The following ITIH4 variants were observed in gnomAD, a reference collection of about 807,000 sequenced individuals.
ITIH4 encodes the protein inter-alpha-trypsin inhibitor heavy chain H4.
ITIH4 carries 79 observed loss-of-function variants against 111.8 expected under a neutral mutation model. The ratio of observed to expected loss-of-function variants is 0.71; its 90% confidence interval spans 0.59 to 0.85. The LOEUF (loss-of-function observed/expected upper bound fraction) is 0.85. Among genes scored for constraint, ITIH4 ranks in the 40% least tolerant of loss-of-function variants. The probability of loss-of-function intolerance (pLI) is 0.00; values close to 1 mark genes in which losing one functional copy is unlikely to be tolerated. For synonymous variants in ITIH4, 472 were observed against 468.3 expected (o/e 1.01, Z -0.10); for missense variants, 1,065 against 1,195.8 (o/e 0.89, Z 1.61).
intron 11 of ITIH4, among the ~76,000 whole-genome samples, chr3:52,823,184 G>C (rs2154111480): frequency 6.6e-6 from 1 of 152,294 alleles, no homozygotes; most frequent in East Asian, 1.9e-4. Context: ...CCTGGTTGCA[G>C]TGGGGCCCGG....
In ITIH4 at chr3:52,813,504, A is replaced by G; in HGVS notation, c.2724-14T>C. 6.2e-7 allele frequency: 1 copy of G among 1,612,680 alleles called. No homozygotes were observed. Among genetic ancestry groups the G allele is most frequent in the East Asian group, 2.2e-5 (1 of 44,872 alleles). On this transcript the variant is annotated splice_polypyrimidine_tract_variant and intron_variant, in intron 23 of 23. Transcript: ENST00000266041. ...AGCCTGCGCTCTCTGAAATGGAAAG[A>G]CAGACAGATAGGCAGGTGGTCAGCA... is the stretch of plus-strand genomic sequence containing the variant.
chr3:52,824,711 C>T lies in ITIH4; in HGVS notation c.876+131G>A. 2 of 1,261,402 alleles carry T rather than the reference C, an allele frequency of 1.6e-6. No homozygotes were observed. Among genetic ancestry groups the T allele is most frequent in the Non-Finnish European group, 2.2e-6 (2 of 901,138 alleles). The allele number at this position is 1,261,402 out of a possible 1,614,324, so 78.1% of individuals were successfully genotyped here. A position where few individuals can be genotyped will look rare whatever the true frequency, so the allele number is the denominator to read the frequency against. The stretch of plus-strand genomic sequence containing the variant: ...AGGGGCTGCCCTAGGCTCTGGCCAA[C>T]CTTGGTTCCTGAGAGCCACCCGCCC... On this transcript the variant is annotated intron_variant, in intron 7 of 23. Transcript: ENST00000266041. This position sits in a 1 kb window ranked among gnomAD's most constrained non-coding sequence, Gnocchi z 4.3.
chr3:52,813,230 G>A lies in ITIH4; in HGVS notation c.*191C>T, dbSNP rs780247092. 1.3e-5 allele frequency: 8 copies of A among 609,870 alleles called. No homozygotes were observed. The highest frequency in any genetic ancestry group is 1.8e-5 in the Non-Finnish European group (6 of 337,384). The allele number at this position is 609,870 out of a possible 1,614,324, so 37.8% of individuals were successfully genotyped here. ...TGTGTTCCACGATGCTAAGGTTCAG[G>A]ATGCGAGGTTGAGGCCCTAGGATTT... On this transcript the variant is annotated 3_prime_UTR_variant, in exon 24 of 24. Coordinates refer to ENST00000266041, the MANE Select transcript of ITIH4 (RefSeq NM_002218.5).
At position 52,824,181 on chromosome 3, in the gene ITIH4, G is replaced by A; in HGVS notation, c.1171+9C>T. ...CAGCACGTCCTGGAGTCACGGGCAGGGCCCTCACCCACAGTGGGGTCGCCA... is the reference window on the plus strand; with the variant it reads ...CAGCACGTCCTGGAGTCACGGGCAGAGCCCTCACCCACAGTGGGGTCGCCA... On this transcript the variant is annotated intron_variant, in intron 9 of 23. Coordinates refer to ENST00000266041, the MANE Select transcript of ITIH4 (RefSeq NM_002218.5). This position sits in a 1 kb window ranked among gnomAD's most constrained non-coding sequence, Gnocchi z 4.3. 1 of 1,612,674 alleles carries A rather than the reference G, an allele frequency of 6.2e-7. No homozygotes were observed. The highest frequency in any genetic ancestry group is 8.5e-7 in the Non-Finnish European group (1 of 1,179,628).
chr3:52,816,117 T>G (rs1485842221), intron 21 of ITIH4, among the ~76,000 whole-genome samples: 1 of 152,162 alleles, frequency 6.6e-6, no homozygotes, highest in Admixed American at 6.5e-5. Flanking sequence ...CTCTCCATAC[T>G]TGGAAAAGGG....
At chr3:52,819,087 A>G in intron 17 of ITIH4, 1 of 385,116 alleles carries the variant, frequency 2.6e-6, no homozygotes, top group Non-Finnish European at 4.8e-6. Flanking sequence ...GTGGTCTGAC[A>G]ACCTAGGGGC....
chr3:52,824,871 C>T lies in ITIH4; in HGVS notation c.847G>A (p.Gly283Ser), dbSNP rs755462076. The change falls in exon 7 of 24, where the codon GGC (glycine) becomes AGC (serine). Residue 283 changes from glycine (G) to serine (S), a missense_variant. Transcript: ENST00000266041. This position sits in a 1 kb window ranked among gnomAD's most constrained non-coding sequence, Gnocchi z 4.3. ...TGGATTTTCCTGCCACTCATGGAGC[C>T]GCTCTTGTCAATGACAAAGACCACA... ...KNVVFVIDKSGSMSGRKIQQT... is the reference protein window; with the variant it reads ...KNVVFVIDKSSSMSGRKIQQT... The T allele has an allele frequency of 2.0e-5, 33 of 1,613,894 alleles. No individual in the cohort carries two copies. The highest frequency in any genetic ancestry group is 2.4e-5 in the Non-Finnish European group (28 of 1,179,938).
At position 52,812,992 on chromosome 3, in the gene ITIH4, T is replaced by C. The variant is rs1700218729; in HGVS notation, c.*429A>G. The C allele has an allele frequency of 6.9e-6, 1 of 144,668 alleles. No individual in the cohort carries two copies. Among genetic ancestry groups the C allele is most frequent in the South Asian group, 2.2e-4 (1 of 4,546 alleles). 9.0% of individuals were successfully genotyped at this position (144,668 alleles called of 1,614,324 possible). On this transcript the variant is annotated 3_prime_UTR_variant, in exon 24 of 24. Transcript: ENST00000266041. ...TCTATTTTTTTTTTTTTTTTTTTTGTAGTCAAAACTGGTCCAAGAGACCAT... is the reference window on the plus strand; with the variant it reads ...TCTATTTTTTTTTTTTTTTTTTTTGCAGTCAAAACTGGTCCAAGAGACCAT...
At chr3:52,828,065 C>T (rs1700513559) in intron 2 of ITIH4, among the ~76,000 whole-genome samples, 2 of 152,210 alleles carry the variant, frequency 1.3e-5, no homozygotes, top group African/African-American at 4.8e-5. Flanking sequence ...AGTGGCACTC[C>T]TCCCCCTGGG....
intron 23 of ITIH4, 29 bp downstream of exon 23, chr3:52,813,946 G>A: frequency 6.3e-7 from 1 of 1,583,960 alleles, no homozygotes; most frequent in Non-Finnish European, 8.6e-7. Flanking sequence ...ACCCCAGCTG[G>A]GCTCAGCGGT....
At position 52,826,598 on chromosome 3, in the gene ITIH4, GCTCT is replaced by G. The variant is rs753602915; in HGVS notation, c.569_572del (p.Glu190AlafsTer4). ...CTACCAGCTGGTTGGTCATGAAGGT[GCTCT>G]CTGTCTCCAGAAAGCTGATGCCCTG... On this transcript the variant is annotated frameshift_variant, in exon 5 of 24. Coordinates refer to ENST00000266041, the MANE Select transcript of ITIH4 (RefSeq NM_002218.5). LOFTEE classifies it high-confidence loss of function. The G allele has an allele frequency of 1.3e-5, 21 of 1,613,994 alleles. No individual in the cohort carries two copies. The highest frequency in any genetic ancestry group is 2.7e-5 in the African/African-American group (2 of 74,938).
In ITIH4 at chr3:52,824,733, G is replaced by A. The variant is rs377241628; in HGVS notation, c.876+109C>T. ...CAACCTTGGTTCCTGAGAGCCACCC[G>A]CCCCATGGTGCCGAAAGGTGAAGCA... On this transcript the variant is annotated intron_variant, in intron 7 of 23. Transcript: ENST00000266041. The surrounding 1 kb of genome is among the most constrained non-coding windows in gnomAD (Gnocchi z 4.3). 1.7e-5 allele frequency: 21 copies of A among 1,229,564 alleles called. No homozygotes were observed. Among genetic ancestry groups the A allele is most frequent in the Non-Finnish European group, 2.4e-5 (21 of 867,466 alleles). The allele number at this position is 1,229,564 out of a possible 1,614,324, so 76.2% of individuals were successfully genotyped here.
In ITIH4 at chr3:52,830,540, G is replaced by C. The variant is rs751391276; in HGVS notation, c.90+13C>G. The stretch of plus-strand genomic sequence containing the variant: ...ATCCCCCAGCTCACGCCACACCCAT[G>C]GACACTGGCTACCTTTTCGGCAGTA... On this transcript the variant is annotated intron_variant, in intron 1 of 23. Coordinates refer to ENST00000266041, the MANE Select transcript of ITIH4 (RefSeq NM_002218.5). 6.2e-7 allele frequency: 1 copy of C among 1,612,642 alleles called. No individual in the cohort carries two copies.
At position 52,824,212 on chromosome 3, in the gene ITIH4, G is replaced by C; in HGVS notation, c.1149C>G (p.Leu383=). The C allele has an allele frequency of 6.2e-7, 1 of 1,613,392 alleles. No individual in the cohort carries two copies. The highest frequency in any genetic ancestry group is 8.5e-7 in the Non-Finnish European group (1 of 1,180,024). The change falls in exon 9 of 24, where the codon CTC becomes CTG. Residue 383 remains leucine (L), a synonymous_variant. Transcript: ENST00000266041. The surrounding 1 kb of genome is among the most constrained non-coding windows in gnomAD (Gnocchi z 4.3). ...CACCCACAGTGGGGTCGCCATCGGTGAGCAGGATGATGAGTGAGACACTCC... is the reference window on the plus strand; with the variant it reads ...CACCCACAGTGGGGTCGCCATCGGTCAGCAGGATGATGAGTGAGACACTCC... ...PEGSVSLIIL[L]TDGDPTVGET... is the part of the protein sequence containing the mutation.
At chr3:52,829,409 ACCAGG>A in intron 1 of ITIH4, 130 bp from the exon 2 acceptor site, 1 of 947,548 alleles carries the variant, frequency 1.1e-6, no homozygotes. Context: ...TGAGCCACTG[ACCAGG>A]CCTCAGGCTG....
chr3:52,818,047 C>T lies in ITIH4; in HGVS notation c.2296+5G>A, dbSNP rs752832605. ...TCTGGGTCTCTCTGGGTGTGCCTCT[C>T]TCACCTTGCTCAGGGTCTGAGAGCA... On this transcript the variant is annotated splice_donor_5th_base_variant and intron_variant, in intron 20 of 23. Transcript: ENST00000266041. 6 of 1,609,704 alleles carry T rather than the reference C, an allele frequency of 3.7e-6. No homozygotes were observed. In the East Asian group the frequency reaches 1.3e-4, roughly 36 times the overall value.
chr3:52,822,360 A>G (rs1002530029), intron 11 of ITIH4: 3 of 152,132 alleles, frequency 2.0e-5, no homozygotes, highest in Non-Finnish European at 4.4e-5. Context: ...AAAAAAAAAA[A>G]TCTTAGGTCT....
chr3:52,817,894 G>A (rs964511808), intron 20 of ITIH4, among the ~76,000 whole-genome samples, 158 bp downstream of exon 20: 20 of 152,262 alleles, frequency 1.3e-4, no homozygotes, highest in African/African-American at 4.3e-4. Flanking sequence ...GGGTGTCTGT[G>A]TGAGTGTGTG....
Position 52,826,595 on chromosome 3 carries a change from G to A in ITIH4, c.576C>T (p.Thr192=), listed in dbSNP as rs1431200179. 1.2e-6 allele frequency: 2 copies of A among 1,614,010 alleles called. No homozygotes were observed. The highest frequency in any genetic ancestry group is 3.3e-5 in the Admixed American group (2 of 60,012). The change falls in exon 5 of 24, where the codon ACC becomes ACT. Residue 192 remains threonine, a synonymous_variant. Coordinates refer to ENST00000266041, the MANE Select transcript of ITIH4 (RefSeq NM_002218.5). ...QGISFLETES[T]FMTNQLVDAL... is the part of the protein sequence containing the mutation. The stretch of plus-strand genomic sequence containing the variant: ...CGTCTACCAGCTGGTTGGTCATGAA[G>A]GTGCTCTCTGTCTCCAGAAAGCTGA...
Sources: gnomAD v4.1 joint callset for allele counts (sites outside exome capture counted in the v4.1 genomes callset) on GRCh38, gnomAD v4.1.1 for gene constraint, Gnocchi (gnomAD v3.1) non-coding constraint, MANE v1.5 for transcripts, NCBI Gene and HGNC (gene_info 2026-07-23, HGNC 2026-07-21) for gene names.